Variants in ADPRHL1 observed in about 807,000 individuals in gnomAD.
ADPRHL1 encodes the protein inactive ADP-ribosyltransferase ARH2.
Under a neutral mutation model 44.1 loss-of-function variants are expected in ADPRHL1, and 43 were observed. That is an observed-to-expected ratio of 0.98 (90% CI 0.76 to 1.26). The LOEUF (loss-of-function observed/expected upper bound fraction) is 1.26, where lower values mean the gene tolerates loss of function less well. ADPRHL1 is among the 50% of genes most tolerant of loss of function. The pLI is 0.00. For missense variants in ADPRHL1, 2,022 were observed against 2,496.9 expected (o/e 0.81, Z 4.05); for synonymous variants, 878 against 1,017.4 (o/e 0.86, Z 2.61).
In ADPRHL1 at chr13:113,452,085, G is replaced by A. The variant is rs535872633; in HGVS notation, c.214+1139C>T. Among the ~76,000 whole-genome samples, 8 of 152,298 alleles carry A rather than the reference G, an allele frequency of 5.3e-5. No homozygotes were observed. The South Asian group carries it at 6.2e-4, about 12-fold the overall frequency. ...CCAAACTCAAGAGTGAGCTCCAGCC[G>A]TCTACGGTGAAAACAAGCCGGAGCT... On this transcript the variant is annotated intron_variant, in intron 1 of 7. Coordinates refer to ENST00000612156, the MANE Select transcript of ADPRHL1 (RefSeq NM_001394807.1).
chr13:113,452,157 G>A (rs1327583777), intron 1 of ADPRHL1, among the ~76,000 whole-genome samples: 1 of 152,210 alleles, frequency 6.6e-6, no homozygotes, highest in Admixed American at 6.5e-5. Context: ...TCTGGGCTGC[G>A]GGGCACAAGC....
At chr13:113,450,760 ACTG>A (rs1188149911) in intron 1 of ADPRHL1, among the ~76,000 whole-genome samples, 1 of 152,084 alleles carries the variant, frequency 6.6e-6, no homozygotes, top group Admixed American at 6.5e-5. Context: ...CTAATTTACT[ACTG>A]CTATCTAGAA....
intron 4 of ADPRHL1, among the ~76,000 whole-genome samples, chr13:113,427,180 G>T (rs1270698886): frequency 6.6e-6 from 1 of 152,232 alleles, no homozygotes; most frequent in Non-Finnish European, 1.5e-5. Context: ...AGGAGGTTTT[G>T]CTGGTTAGAT....
intron 2 of ADPRHL1, among the ~76,000 whole-genome samples, chr13:113,440,446 A>G (rs903018829): frequency 2.0e-5 from 3 of 150,930 alleles, no homozygotes; most frequent in Non-Finnish European, 2.9e-5. Context: ...TTAGTGTGGT[A>G]TATTTTTCCA....
intron 4 of ADPRHL1, among the ~76,000 whole-genome samples, chr13:113,428,308 T>C (rs1198576649): frequency 6.6e-6 from 1 of 151,192 alleles, no homozygotes; most frequent in Non-Finnish European, 1.5e-5. Context: ...GCAAACCTGA[T>C]CCTACATTCA....
At chr13:113,429,587 C>T (rs891895107) in intron 3 of ADPRHL1, among the ~76,000 whole-genome samples, 1 of 152,254 alleles carries the variant, frequency 6.6e-6, no homozygotes, top group African/African-American at 2.4e-5. Context: ...GCTGCCTCCG[C>T]CTTTGGCTAT....
At chr13:113,410,806 T>C (rs1012464974) in intron 7 of ADPRHL1, among the ~76,000 whole-genome samples, 1 of 152,162 alleles carries the variant, frequency 6.6e-6, no homozygotes, top group Non-Finnish European at 1.5e-5. Flanking sequence ...CCTGGGGGCA[T>C]TGTGCTCCCT....
chr13:113,450,089 T>G (rs1753162336), intron 1 of ADPRHL1, among the ~76,000 whole-genome samples: 1 of 152,192 alleles, frequency 6.6e-6, no homozygotes, highest in Admixed American at 6.5e-5. Context: ...GCACTCACCA[T>G]TGTCGTTTTG....
intron 2 of ADPRHL1, 144 bp from the exon 3 acceptor site, chr13:113,434,011 G>A (rs1012154105): frequency 6.4e-6 from 8 of 1,258,646 alleles, no homozygotes; most frequent in Non-Finnish European, 8.3e-6. Context: ...GCGAGCCATG[G>A]GCAGGCCACT....
chr13:113,452,836 T>C (rs2044186947), intron 1 of ADPRHL1, among the ~76,000 whole-genome samples: 1 of 152,246 alleles, frequency 6.6e-6, no homozygotes, highest in South Asian at 2.1e-4. Flanking sequence ...GCTTAATCTC[T>C]GCAGCGAGAA....
Position 113,409,504 on chromosome 13 carries a change from C to G in ADPRHL1, c.1062-1284G>C. ...ACTCCAGGGCGGCCGCACAATGGCA[C>G]GTCCACATTTGTGGGAGAAGAGTCG... is the stretch of plus-strand genomic sequence containing the variant. On this transcript the variant is annotated intron_variant, in intron 7 of 7. Coordinates refer to ENST00000612156, the MANE Select transcript of ADPRHL1 (RefSeq NM_001394807.1). The surrounding 1 kb of genome is among the most constrained non-coding windows in gnomAD (Gnocchi z 4.2). 2 of 985,424 alleles carry G rather than the reference C, an allele frequency of 2.0e-6. No homozygotes were observed. The highest frequency in any genetic ancestry group is 4.7e-5 in the South Asian group (1 of 21,288). 61.0% of individuals were successfully genotyped at this position (985,424 alleles called of 1,614,324 possible).
Position 113,406,436 on chromosome 13 carries a change from T to G in ADPRHL1, c.2846A>C (p.Gln949Pro). ...VPETLLTQRLQTDPAGGKENK... is the reference protein window; with the variant it reads ...VPETLLTQRLPTDPAGGKENK... ...TTCCTTCCCGCCAGCAGGATCTGTC[T>G]GGAGTCTCTGTGTCAGAAGTGTCTC... Residue 949 changes from glutamine (Q) to proline (P), a missense_variant, in exon 8 of 8, where the codon CAG becomes CCG. By Grantham distance (76) the Gln-to-Pro change is moderately conservative. This residue lies in a region of ADPRHL1 where 1,221 missense variants were observed against 1,517.8 expected (regional missense o/e 0.80). Coordinates refer to ENST00000612156, the MANE Select transcript of ADPRHL1 (RefSeq NM_001394807.1). 8.1e-7 allele frequency: 1 copy of G among 1,232,074 alleles called. No individual in the cohort carries two copies. Among genetic ancestry groups the G allele is most frequent in the Non-Finnish European group, 1.0e-6 (1 of 987,988 alleles). 76.3% of individuals were successfully genotyped at this position (1,232,074 alleles called of 1,614,324 possible). A position where few individuals can be genotyped will look rare whatever the true frequency, so the allele number is the denominator to read the frequency against.
At chr13:113,438,603 C>T (rs1004279629) in intron 2 of ADPRHL1, among the ~76,000 whole-genome samples, 6 of 151,932 alleles carry the variant, frequency 3.9e-5, no homozygotes, top group Non-Finnish European at 5.9e-5. Context: ...CTGAGGCAGG[C>T]GAATTGCTTG....
chr13:113,429,066 G>C lies in ADPRHL1; in HGVS notation c.532C>G (p.Leu178Val), dbSNP rs547476358. 2 of 1,612,290 alleles carry C rather than the reference G, an allele frequency of 1.2e-6. No homozygotes were observed. Among genetic ancestry groups the C allele is most frequent in the Admixed American group, 3.3e-5 (2 of 59,954 alleles). The change falls in exon 4 of 8, where the codon CTG becomes GTG. Residue 178 changes from leucine to valine, a missense_variant. This residue lies in a region of ADPRHL1 where 437 missense variants were observed against 430.7 expected (regional missense o/e 1.01). Coordinates refer to ENST00000612156, the MANE Select transcript of ADPRHL1 (RefSeq NM_001394807.1). Reference sequence around the variant, plus strand: ...CCTTGTGCGGCGAACGACACAAACAGGGCCGTGCACAGGGAGCCCAGGAAG... The same window carrying C: ...CCTTGTGCGGCGAACGACACAAACACGGCCGTGCACAGGGAGCCCAGGAAG... ...TGFLGSLCTA[L>V]FVSFAAQGKP...
Position 113,403,460 on chromosome 13 carries a change from C to G in ADPRHL1, c.5822G>C (p.Ser1941Thr). The change falls in exon 8 of 8, where the codon AGC becomes ACC. Residue 1941 changes from serine to threonine, a missense_variant. This residue lies in a region of ADPRHL1 where 205 missense variants were observed against 250.1 expected (regional missense o/e 0.82). Coordinates refer to ENST00000612156, the MANE Select transcript of ADPRHL1 (RefSeq NM_001394807.1). ...SRHLAKYKAQ[S>T]FRDQRAFDLS... ...ATCGAAGGCCCTCTGGTCACGGAAG[C>G]TCTGGGCTTTGTACTTGGCCAGGTG... 8.1e-7 allele frequency: 1 copy of G among 1,232,154 alleles called. No individual in the cohort carries two copies. Among genetic ancestry groups the G allele is most frequent in the Non-Finnish European group, 1.0e-6 (1 of 988,030 alleles). The allele number at this position is 1,232,154 out of a possible 1,614,324, so 76.3% of individuals were successfully genotyped here. A position where few individuals can be genotyped will look rare whatever the true frequency, so the allele number is the denominator to read the frequency against.
At chr13:113,448,607 T>C (rs2044158482) in intron 1 of ADPRHL1, among the ~76,000 whole-genome samples, 1 of 152,014 alleles carries the variant, frequency 6.6e-6, no homozygotes, top group South Asian at 2.1e-4. Flanking sequence ...TGAGCTGAAG[T>C]GCCACTCCCA....
In ADPRHL1 at chr13:113,407,344, C is replaced by T; in HGVS notation, c.1938G>A (p.Arg646=). Residue 646 remains arginine, a synonymous_variant, in exon 8 of 8, where the codon AGG becomes AGA. Transcript: ENST00000612156. ...CGCTGGCTTCTCCTCTGGGTGGACG[C>T]CTTGCCTCCGAGTGGCTGATTTTGG... The part of the protein sequence containing the change: ...HCTKISHSEA[R]RPPRGEASVP... 1.6e-6 allele frequency: 2 copies of T among 1,232,050 alleles called. No homozygotes were observed. The highest frequency in any genetic ancestry group is 2.0e-6 in the Non-Finnish European group (2 of 988,040). 76.3% of individuals were successfully genotyped at this position (1,232,050 alleles called of 1,614,324 possible).
At chr13:113,421,173 G>A (rs2043917199) in intron 7 of ADPRHL1, among the ~76,000 whole-genome samples, 1 of 131,100 alleles carries the variant, frequency 7.6e-6, no homozygotes, top group Non-Finnish European at 1.6e-5. Context: ...CCACCCCCAG[G>A]ACACGCCTAC....
chr13:113,443,122 A>C (rs1265993408), intron 2 of ADPRHL1, among the ~76,000 whole-genome samples: 1 of 152,178 alleles, frequency 6.6e-6, no homozygotes, highest in African/African-American at 2.4e-5. Flanking sequence ...GAATTCTGAC[A>C]CCTGTGTTGG....
Sources: gnomAD v4.1 joint callset for allele counts (sites outside exome capture counted in the v4.1 genomes callset) on GRCh38, gnomAD v4.1.1 for gene constraint, gnomAD v4.1.1 regional missense constraint, Gnocchi (gnomAD v3.1) non-coding constraint, MANE v1.5 for transcripts, NCBI Gene and HGNC (gene_info 2026-07-23, HGNC 2026-07-21) for gene names.